Variants in COL1A2 observed in about 807,000 individuals in gnomAD.
COL1A2 encodes the protein collagen type I alpha 2 chain, also known as collagen alpha-2(I) chain.
Under a neutral mutation model 174.3 loss-of-function variants are expected in COL1A2, and 49 were observed. The observed-to-expected ratio is 0.28, with a 90% CI of 0.22 to 0.36. The LOEUF (loss-of-function observed/expected upper bound fraction) is 0.36. COL1A2 is among the 10% of genes least tolerant of loss of function. The pLI is 1.00. For synonymous variants in COL1A2, 655 were observed against 606.6 expected (o/e 1.08, Z -1.17); for missense variants, 1,438 against 1,822.7 (o/e 0.79, Z 3.84).
chr7:94,410,355 C>A, intron 20 of COL1A2, 60 bp downstream of exon 20: 1 of 1,601,588 alleles, frequency 6.2e-7, no homozygotes, highest in Non-Finnish European at 8.5e-7. Flanking sequence ...TCCAGTTTCT[C>A]CAGCTGGACA....
chr7:94,406,265 G>T lies in COL1A2; in HGVS notation c.556G>T (p.Asp186Tyr), dbSNP rs1161939484. 1.2e-6 allele frequency: 2 copies of T among 1,613,832 alleles called. No homozygotes were observed. Among genetic ancestry groups the T allele is most frequent in the Non-Finnish European group, 1.7e-6 (2 of 1,179,856 alleles). The part of the protein sequence containing the change: ...FKGIRGHNGL[D>Y]GLKGQPGAPG... ...TTCCTTTCAGGGACACAATGGTCTG[G>T]ATGGATTGAAGGGACAGCCCGGTGC... Residue 186 changes from aspartate (D) to tyrosine (Y), a missense_variant, in exon 12 of 52, where the codon GAT becomes TAT. Asp to Tyr is a radical substitution (Grantham distance 160). This residue lies in a region of COL1A2 where 281 missense variants were observed against 310.9 expected (regional missense o/e 0.90). Coordinates refer to ENST00000297268, the MANE Select transcript of COL1A2 (RefSeq NM_000089.4).
Position 94,396,334 on chromosome 7 carries a change from GTGTGTGTGTC to G in COL1A2, c.70+1241_70+1250del, listed in dbSNP as rs1257697438. Among the ~76,000 whole-genome samples, 384 of 152,042 alleles carry G rather than the reference GTGTGTGTGTC, an allele frequency of 2.5e-3. 1 individual carries two copies. Among genetic ancestry groups the G allele is most frequent in the African/African-American group, 8.8e-3 (366 of 41,406 alleles). On this transcript the variant is annotated intron_variant, in intron 1 of 51. Coordinates refer to ENST00000297268, the MANE Select transcript of COL1A2 (RefSeq NM_000089.4). ...TGTGCTTGTGTGTGTGTGTGTGTGT[GTGTGTGTGTC>G]TGTGTGTCTGTGTGTCTCTTCCCCC...
chr7:94,426,498 C>T lies in COL1A2; in HGVS notation c.3073C>T (p.His1025Tyr). 1 of 1,606,488 alleles carries T rather than the reference C, an allele frequency of 6.2e-7. No individual in the cohort carries two copies. Among genetic ancestry groups the T allele is most frequent in the Non-Finnish European group, 8.5e-7 (1 of 1,176,918 alleles). The change falls in exon 46 of 52, where the codon CAC becomes TAC. Residue 1025 changes from histidine to tyrosine, a missense_variant. His to Tyr is a moderately conservative substitution (Grantham distance 83, BLOSUM62 2). Coordinates refer to ENST00000297268, the MANE Select transcript of COL1A2 (RefSeq NM_000089.4). Reference sequence around the variant, plus strand: ...CAGAGGTCTTCCTGGCTTAAAGGGACACAATGGATTGCAAGGTCTGCCTGG... The same window carrying T: ...CAGAGGTCTTCCTGGCTTAAAGGGATACAATGGATTGCAAGGTCTGCCTGG... ...GPRGLPGLKG[H>Y]NGLQGLPGIA...
chr7:94,419,632 AT>A, intron 34 of COL1A2, 81 bp downstream of exon 34: 1 of 1,474,530 alleles, frequency 6.8e-7, no homozygotes, highest in Non-Finnish European at 9.5e-7. Flanking sequence ...CCAGCAATTC[AT>A]TTTTATGGCT....
chr7:94,421,846 C>T (rs1382067060), intron 38 of COL1A2, 53 bp from the exon 39 acceptor site: 11 of 1,561,380 alleles, frequency 7.0e-6, no homozygotes, highest in Non-Finnish European at 8.8e-6. Context: ...CCATCTTACC[C>T]AAATTCTTGG....
intron 50 of COL1A2, 118 bp downstream of exon 50, chr7:94,428,595 C>A: frequency 1.0e-6 from 1 of 972,122 alleles, no homozygotes; most frequent in Non-Finnish European, 1.6e-6. Flanking sequence ...AGACCTGTTC[C>A]TTTCCTGGGT....
intron 31 of COL1A2, among the ~76,000 whole-genome samples, chr7:94,417,263 G>A (rs1183143643): frequency 6.6e-6 from 1 of 152,188 alleles, no homozygotes; most frequent in Non-Finnish European, 1.5e-5. Context: ...TTTTAAGTAT[G>A]TGGAATTGTA....
chr7:94,414,040 C>T, intron 28 of COL1A2, 93 bp downstream of exon 28: 1 of 1,386,060 alleles, frequency 7.2e-7, no homozygotes, highest in Non-Finnish European at 1.0e-6. Flanking sequence ...CCACAATAAA[C>T]ATGATTTCAG....
At chr7:94,417,459 C>T (rs1727736550) in intron 31 of COL1A2, 1 of 475,946 alleles carries the variant, frequency 2.1e-6, no homozygotes, top group Non-Finnish European at 3.9e-6. Flanking sequence ...CTTCTCCATG[C>T]CTGCCATCCT....
At chr7:94,405,498 T>C (rs1791776758) in intron 10 of COL1A2, among the ~76,000 whole-genome samples, 175 bp from the exon 11 acceptor site, 1 of 152,172 alleles carries the variant, frequency 6.6e-6, no homozygotes, top group Non-Finnish European at 1.5e-5. Context: ...ACAAATACCG[T>C]ATTATTAGTT....
rs1220776747 is a variant in COL1A2 at position 94,418,948 on chromosome 7, C to A, written c.2025+396C>A. Among the ~76,000 whole-genome samples, 3 of 151,100 alleles carry A rather than the reference C, an allele frequency of 2.0e-5. No homozygotes were observed. In the East Asian group the frequency reaches 5.8e-4, roughly 29 times the overall value. ...TAACAAGATTCTATAGTTATTCAAA[C>A]CTACTCCCTAGAAATTTATCACCCA... On this transcript the variant is annotated intron_variant, in intron 33 of 51. Coordinates refer to ENST00000297268, the MANE Select transcript of COL1A2 (RefSeq NM_000089.4).
At chr7:94,405,017 T>C in intron 9 of COL1A2, 125 bp downstream of exon 9, 1 of 1,174,102 alleles carries the variant, frequency 8.5e-7, no homozygotes. Flanking sequence ...TCTTAATGTA[T>C]GGGAAATATT....
intron 13 of COL1A2, 34 bp downstream of exon 13, chr7:94,407,925 G>A: frequency 6.3e-7 from 1 of 1,579,446 alleles, no homozygotes; most frequent in Non-Finnish European, 8.7e-7. Flanking sequence ...AAATTTAAAT[G>A]TGTACACTCT....
Position 94,425,343 on chromosome 7 carries a change from A to G in COL1A2, c.2781+119A>G, listed in dbSNP as rs562027503. On this transcript the variant is annotated intron_variant, in intron 42 of 51. Transcript: ENST00000297268. ...TCTGAACAAGATGGTCAGCTTCTCC[A>G]TAGTATCTACACCTAGTACTGAAAA... The G allele has an allele frequency of 1.5e-5, 15 of 998,924 alleles. 1 individual carries two copies. The South Asian group carries it at 2.1e-4, about 14-fold the overall frequency. The allele number at this position is 998,924 out of a possible 1,614,324, so 61.9% of individuals were successfully genotyped here.
intron 1 of COL1A2, among the ~76,000 whole-genome samples, chr7:94,396,707 A>C (rs536997248): frequency 1.1e-4 from 16 of 152,358 alleles, no homozygotes; most frequent in African/African-American, 3.8e-4. Context: ...GACACAATGA[A>C]GTAAACATAT....
At chr7:94,402,210 C>T (rs1562898240) in intron 6 of COL1A2, among the ~76,000 whole-genome samples, 2 of 152,060 alleles carry the variant, frequency 1.3e-5, no homozygotes, top group East Asian at 3.9e-4. Flanking sequence ...TGTACCTAGT[C>T]CTTGAATAAA....
At position 94,397,731 on chromosome 7, in the gene COL1A2, C is replaced by CTTTT; in HGVS notation, c.71-10_71-7dup. ...TACTAATAATTGTTTCCTACTTTTT[C>CTTTT]TTTTTTTTTTCTACAGCTTTACAAG... On this transcript the variant is annotated splice_polypyrimidine_tract_variant and intron_variant, in intron 1 of 51. Transcript: ENST00000297268. 1 of 1,133,748 alleles carries CTTTT rather than the reference C, an allele frequency of 8.8e-7. No homozygotes were observed. The highest frequency in any genetic ancestry group is 1.3e-6 in the Non-Finnish European group (1 of 782,360). 70.2% of individuals were successfully genotyped at this position (1,133,748 alleles called of 1,614,324 possible).
intron 1 of COL1A2, chr7:94,395,460 C>G (rs1791564028): frequency 2.8e-6 from 1 of 362,900 alleles, no homozygotes; most frequent in Non-Finnish European, 5.3e-6. Context: ...CCCACAGGCC[C>G]CATAACCGCA....
intron 1 of COL1A2, 62 bp from the exon 2 acceptor site, chr7:94,397,686 G>T: frequency 5.7e-6 from 5 of 883,350 alleles, no homozygotes; most frequent in South Asian, 3.0e-5. Flanking sequence ...GTTAATTATT[G>T]CTATTGATCC....
Sources: gnomAD v4.1 joint callset for allele counts (sites outside exome capture counted in the v4.1 genomes callset) on GRCh38, gnomAD v4.1.1 for gene constraint, gnomAD v4.1.1 regional missense constraint, MANE v1.5 for transcripts, NCBI Gene and HGNC (gene_info 2026-07-23, HGNC 2026-07-21) for gene names.